TRAPPC9: variants seen among roughly 807,000 people sequenced by gnomAD.
The protein encoded by TRAPPC9 is trafficking protein particle complex subunit 9, also known as IKK2 binding protein.
TRAPPC9 carries 83 observed loss-of-function variants against 124.0 expected under a neutral mutation model. The observed-to-expected ratio is 0.67, with a 90% CI of 0.56 to 0.80. The LOEUF (loss-of-function observed/expected upper bound fraction) is 0.80, where lower values mean the gene tolerates loss of function less well. Among genes scored for constraint, TRAPPC9 ranks in the 30% least tolerant of loss-of-function variants. TRAPPC9 has a pLI of 0.00. For missense variants in TRAPPC9, 1,302 were observed against 1,508.3 expected, an observed-to-expected ratio of 0.86 and a Z score of 2.27; for synonymous variants, 638 against 617.5, an observed-to-expected ratio of 1.03 and a Z score of -0.49.
chr8:140,443,272 A>G (rs574080866), intron 2 of TRAPPC9, among the ~76,000 whole-genome samples: 2 of 149,876 alleles, frequency 1.3e-5, no homozygotes, highest in South Asian at 4.2e-4. Context: ...CGTCTCTACT[A>G]AAAAATACAA....
chr8:139,864,354 A>G (rs1386321325), intron 21 of TRAPPC9, among the ~76,000 whole-genome samples: 1 of 152,242 alleles, frequency 6.6e-6, no homozygotes, highest in East Asian at 1.9e-4. Context: ...TTCCTGCAAG[A>G]TGAAGGCGCC....
chr8:140,082,164 C>T (rs957453634), intron 17 of TRAPPC9: 1 of 152,128 alleles, frequency 6.6e-6, no homozygotes, highest in African/African-American at 2.4e-5. Context: ...TCTCTCCAGC[C>T]CATATGAAAG....
At chr8:139,889,276 G>A (rs140001543) in intron 20 of TRAPPC9, among the ~76,000 whole-genome samples, 3 of 152,086 alleles carry the variant, frequency 2.0e-5, no homozygotes, top group East Asian at 1.9e-4. Context: ...GGATGTGGGC[G>A]GGGCAGGGAA....
intron 9 of TRAPPC9, among the ~76,000 whole-genome samples, chr8:140,347,705 T>C (rs990683231): frequency 9.2e-5 from 14 of 152,210 alleles, no homozygotes; most frequent in Admixed American, 4.6e-4. Context: ...CTCTCCTCTG[T>C]TGCAATAGAG....
chr8:140,457,589 C>G, intron 1 of TRAPPC9, 50 bp downstream of exon 1: 1 of 985,486 alleles, frequency 1.0e-6, no homozygotes, highest in Non-Finnish European at 1.2e-6. Flanking sequence ...CAGCCCTCCC[C>G]GCAGCCGGTC....
chr8:140,317,517 C>G (rs189733065), intron 9 of TRAPPC9, among the ~76,000 whole-genome samples: 2 of 152,182 alleles, frequency 1.3e-5, no homozygotes, highest in African/African-American at 2.4e-5. Context: ...GACTAAAACC[C>G]AGAGGCTAGA....
chr8:139,789,391 C>T (rs1272381065), intron 21 of TRAPPC9, among the ~76,000 whole-genome samples: 1 of 152,200 alleles, frequency 6.6e-6, no homozygotes, highest in Non-Finnish European at 1.5e-5. Flanking sequence ...GCACGCTGCC[C>T]CTCGGTGTGT....
chr8:140,232,094 C>G (rs1016139042), intron 16 of TRAPPC9, among the ~76,000 whole-genome samples: 4 of 151,352 alleles, frequency 2.6e-5, no homozygotes, highest in Non-Finnish European at 4.4e-5. Flanking sequence ...AAAAAAACAT[C>G]TTAAAATAGA....
intron 1 of TRAPPC9, 139 bp from the exon 2 acceptor site, chr8:140,451,522 A>G (rs2071463107): frequency 1.4e-6 from 1 of 731,906 alleles, no homozygotes; most frequent in Non-Finnish European, 2.4e-6. Flanking sequence ...AACAGGTCTT[A>G]GGGCTCTACA....
Position 139,999,622 on chromosome 8 carries a change from T to A in TRAPPC9, c.2700-10786A>T, listed in dbSNP as rs868728598. Among the ~76,000 whole-genome samples, 3 of 151,946 alleles carry A rather than the reference T, an allele frequency of 2.0e-5. 1 individual carries two copies. The highest frequency in any genetic ancestry group is 2.9e-5 in the Non-Finnish European group (2 of 67,980). ...CCACCAAGAGCAGAATATACATACTTCCCAAGTGCACAGCAACATTCAACA... is the reference window on the plus strand; with the variant it reads ...CCACCAAGAGCAGAATATACATACTACCCAAGTGCACAGCAACATTCAACA... On this transcript the variant is annotated intron_variant, in intron 18 of 22. Transcript: ENST00000438773.
intron 17 of TRAPPC9, among the ~76,000 whole-genome samples, chr8:140,036,457 G>A (rs1354743095): frequency 6.6e-6 from 1 of 150,656 alleles, no homozygotes; most frequent in East Asian, 1.9e-4. Flanking sequence ...GGGAAGCCAC[G>A]GATCTCTTCA....
chr8:139,743,900 G>A (rs1818717653), intron 21 of TRAPPC9, among the ~76,000 whole-genome samples: 1 of 152,330 alleles, frequency 6.6e-6, no homozygotes, highest in African/African-American at 2.4e-5. Flanking sequence ...TGACAGCCAA[G>A]TAACTGACCT....
intron 16 of TRAPPC9, among the ~76,000 whole-genome samples, chr8:140,242,335 T>C (rs909932903): frequency 6.6e-6 from 1 of 152,128 alleles, no homozygotes; most frequent in Non-Finnish European, 1.5e-5. Flanking sequence ...GTTTGGCATG[T>C]GTACCAAGGC....
At chr8:139,754,119 A>G (rs900640785) in intron 21 of TRAPPC9, among the ~76,000 whole-genome samples, 3 of 152,180 alleles carry the variant, frequency 2.0e-5, no homozygotes, top group Admixed American at 6.5e-5. Context: ...TGTGGCAGCC[A>G]CCATTAGATT....
chr8:140,443,930 G>T lies in TRAPPC9; in HGVS notation c.585-4733C>A, dbSNP rs201913192. Among the ~76,000 whole-genome samples, 37 of 151,264 alleles carry T rather than the reference G, an allele frequency of 2.4e-4. 1 individual carries two copies. The highest frequency in any genetic ancestry group is 2.3e-3 in the East Asian group (12 of 5,138). ...GGGCTCCTGTAATCCCAGCTACTCG[G>T]GAGACTGAGGCAGGAGAATGGCCTG... is the stretch of plus-strand genomic sequence containing the variant. On this transcript the variant is annotated intron_variant, in intron 2 of 22. Transcript: ENST00000438773.
chr8:139,811,776 G>A (rs1040816512), intron 21 of TRAPPC9, among the ~76,000 whole-genome samples: 1 of 152,208 alleles, frequency 6.6e-6, no homozygotes, highest in African/African-American at 2.4e-5. Flanking sequence ...AAATTCTGCT[G>A]AGTGATCAAT....
At chr8:140,209,995 A>C (rs2131239583) in intron 17 of TRAPPC9, among the ~76,000 whole-genome samples, 1 of 152,360 alleles carries the variant, frequency 6.6e-6, no homozygotes, top group Admixed American at 6.5e-5. Context: ...TAAGCTGTTC[A>C]GTCATTTCCA....
chr8:140,206,825 G>A (rs1041055203), intron 17 of TRAPPC9, among the ~76,000 whole-genome samples: 1 of 151,812 alleles, frequency 6.6e-6, no homozygotes, highest in Admixed American at 6.6e-5. Context: ...CTTTGGCTTA[G>A]AATGCCTTTC....
In TRAPPC9 at chr8:140,443,131, CAAAAAAA is replaced by C. The variant is rs1177286944; in HGVS notation, c.585-3941_585-3935del. Among the ~76,000 whole-genome samples the C allele has an allele frequency of 1.3e-3, 59 of 43,988 alleles. 2 individuals carry two copies. Among genetic ancestry groups the C allele is most frequent in the Non-Finnish European group, 2.2e-3 (53 of 24,298 alleles). The allele number at this position is 43,988 out of a possible 152,430, so 28.9% of individuals were successfully genotyped here. ...CTGGCAACGGAGCGAGACTCCATCT[CAAAAAAA>C]AAAAAAAAAAAAAAAAGCCAGGCGC... On this transcript the variant is annotated intron_variant, in intron 2 of 22. Coordinates refer to ENST00000438773, the MANE Select transcript of TRAPPC9 (RefSeq NM_001160372.4).
Sources: gnomAD v4.1 joint callset for allele counts (sites outside exome capture counted in the v4.1 genomes callset) on GRCh38, gnomAD v4.1.1 for gene constraint, MANE v1.5 for transcripts, NCBI Gene and HGNC (gene_info 2026-07-23, HGNC 2026-07-21) for gene names.